Variants in ADAMTSL1 observed in about 807,000 individuals in gnomAD.
ADAMTSL1 encodes the protein ADAMTS like 1.
Under a neutral mutation model 201.8 loss-of-function variants are expected in ADAMTSL1, and 126 were observed. That is an observed-to-expected ratio of 0.62 (90% confidence interval 0.54 to 0.72). The LOEUF (loss-of-function observed/expected upper bound fraction) is 0.72, where lower values mean the gene tolerates loss of function less well. Ranked by LOEUF, ADAMTSL1 falls within the 30% of genes least tolerant of loss-of-function variation. The pLI is 0.00. For synonymous variants in ADAMTSL1, 1,121 were observed against 903.4 expected (o/e 1.24, Z -4.32); for missense variants, 2,679 against 2,277.8 (o/e 1.18, Z -3.59).
chr9:18,626,870 T>C (rs796138604), intron 5 of ADAMTSL1, among the ~76,000 whole-genome samples: 1 of 141,676 alleles, frequency 7.1e-6, no homozygotes, highest in Non-Finnish European at 1.5e-5. Context: ...TTTCTTTCTG[T>C]CTTTCTTCCT....
chr9:18,352,480 T>G (rs1203199715), intron 2 of ADAMTSL1, among the ~76,000 whole-genome samples: 4 of 152,200 alleles, frequency 2.6e-5, no homozygotes, highest in South Asian at 2.1e-4. Flanking sequence ...CTAGGCCTTG[T>G]TCTGTATGTA....
At chr9:18,806,602 C>G (rs1823134622) in intron 20 of ADAMTSL1, among the ~76,000 whole-genome samples, 1 of 152,190 alleles carries the variant, frequency 6.6e-6, no homozygotes, top group African/African-American at 2.4e-5. Context: ...CTCTCAATCA[C>G]CTTTATATTA....
At chr9:18,651,292 G>A (rs1319720131) in intron 7 of ADAMTSL1, 1 of 152,180 alleles carries the variant, frequency 6.6e-6, no homozygotes, top group Admixed American at 6.5e-5. Flanking sequence ...GCAGACCCAA[G>A]GAAAGAGAAT....
At chr9:18,783,593 T>G (rs1160207374) in intron 19 of ADAMTSL1, among the ~76,000 whole-genome samples, 1 of 152,182 alleles carries the variant, frequency 6.6e-6, no homozygotes, top group Non-Finnish European at 1.5e-5. Context: ...CTTTAACATC[T>G]TTTAAAGGAT....
At chr9:18,851,182 C>A (rs1826470792) in intron 23 of ADAMTSL1, among the ~76,000 whole-genome samples, 1 of 152,040 alleles carries the variant, frequency 6.6e-6, no homozygotes, top group Non-Finnish European at 1.5e-5. Flanking sequence ...CTATGCCAAG[C>A]TCTCGATGGG....
chr9:18,681,973 T>A lies in ADAMTSL1; in HGVS notation c.1489+14T>A. 6.2e-7 allele frequency: 1 copy of A among 1,613,706 alleles called. No homozygotes were observed. The highest frequency in any genetic ancestry group is 8.5e-7 in the Non-Finnish European group (1 of 1,179,704). ...ATAAACCCAAAGGTAACTTGACAGG[T>A]GCTCTATTACCAGCCTGTTAATTGT... On this transcript the variant is annotated intron_variant, in intron 12 of 28. Coordinates refer to ENST00000380548, the MANE Select transcript of ADAMTSL1 (RefSeq NM_001040272.6).
intron 23 of ADAMTSL1, among the ~76,000 whole-genome samples, chr9:18,856,535 C>T (rs1171158179): frequency 2.1e-5 from 3 of 140,360 alleles, no homozygotes; most frequent in Non-Finnish European, 1.5e-5. Flanking sequence ...ACAGTCTCAG[C>T]TCACTGCAAC....
intron 22 of ADAMTSL1, among the ~76,000 whole-genome samples, chr9:18,827,960 A>C (rs1316570496): frequency 6.6e-6 from 1 of 151,636 alleles, no homozygotes; most frequent in Non-Finnish European, 1.5e-5. Flanking sequence ...GCAATGTCTC[A>C]TTTAATCTGC....
At chr9:18,819,570 G>T (rs1980867) in intron 21 of ADAMTSL1, among the ~76,000 whole-genome samples, 22,871 of 151,986 alleles carry the variant, frequency 0.15, 2,087 homozygotes, top group East Asian at 0.45. Context: ...GGGAGCCTAA[G>T]ATATTAAAAC....
chr9:18,651,762 C>T (rs1344126716), intron 7 of ADAMTSL1, among the ~76,000 whole-genome samples: 2 of 151,998 alleles, frequency 1.3e-5, no homozygotes, highest in Non-Finnish European at 2.9e-5. Flanking sequence ...AAGATGATGC[C>T]TTCATATTTT....
chr9:18,403,119 G>A (rs564765832), intron 2 of ADAMTSL1, among the ~76,000 whole-genome samples: 11 of 152,034 alleles, frequency 7.2e-5, no homozygotes, highest in African/African-American at 2.4e-4. Context: ...CAGTCTAAGC[G>A]CTGCTCATTT....
intron 1 of ADAMTSL1, among the ~76,000 whole-genome samples, chr9:18,007,609 GA>G (rs1188000066): frequency 1.6e-4 from 25 of 152,102 alleles, no homozygotes; most frequent in Admixed American, 1.4e-3. Context: ...CAGAGTGCAT[GA>G]TTTATACCCT....
intron 1 of ADAMTSL1, among the ~76,000 whole-genome samples, chr9:18,043,993 T>A (rs1008344719): frequency 5.4e-5 from 8 of 147,330 alleles, no homozygotes; most frequent in African/African-American, 2.0e-4. Flanking sequence ...TGCCTTCCCA[T>A]CTAGTATGTT....
intron 1 of ADAMTSL1, among the ~76,000 whole-genome samples, chr9:18,011,133 A>G (rs566961760): frequency 1.3e-5 from 2 of 152,146 alleles, no homozygotes; most frequent in East Asian, 3.9e-4. Flanking sequence ...AACTTTTCTC[A>G]GGAGTTTATA....
intron 2 of ADAMTSL1, among the ~76,000 whole-genome samples, chr9:18,179,194 G>A (rs929918522): frequency 2.0e-5 from 3 of 152,132 alleles, no homozygotes; most frequent in African/African-American, 7.2e-5. Flanking sequence ...AGCTGATGGA[G>A]CTGAAAACCA....
intron 21 of ADAMTSL1, among the ~76,000 whole-genome samples, chr9:18,823,466 C>T (rs1396240514): frequency 6.6e-6 from 1 of 152,212 alleles, no homozygotes; most frequent in Admixed American, 6.5e-5. Flanking sequence ...AAGAAGCTTG[C>T]AAGCCATTCC....
At chr9:18,771,789 A>G (rs1820708967) in intron 17 of ADAMTSL1, among the ~76,000 whole-genome samples, 1 of 134,772 alleles carries the variant, frequency 7.4e-6, no homozygotes, top group Non-Finnish European at 1.5e-5. Flanking sequence ...CCTCACAGAG[A>G]TACTTGCTTA....
intron 24 of ADAMTSL1, among the ~76,000 whole-genome samples, 192 bp downstream of exon 24, chr9:18,888,235 C>T (rs1293061118): frequency 6.6e-6 from 1 of 152,192 alleles, no homozygotes; most frequent in African/African-American, 2.4e-5. Flanking sequence ...GCCATCATGC[C>T]CCATCCCAGC....
chr9:18,906,228 G>A (rs1830304488), intron 27 of ADAMTSL1, among the ~76,000 whole-genome samples: 1 of 152,210 alleles, frequency 6.6e-6, no homozygotes, highest in Admixed American at 6.5e-5. Context: ...AAGTCTCAAA[G>A]GCTCAAGCCC....
Sources: allele counts gnomAD v4.1 joint callset (sites outside exome capture counted in the v4.1 genomes callset), GRCh38; gene constraint gnomAD v4.1.1; transcripts MANE v1.5; gene names NCBI Gene and HGNC (gene_info 2026-07-23, HGNC 2026-07-21).